NKAIN3: variants seen among roughly 807,000 people sequenced by gnomAD.
The protein encoded by NKAIN3 is sodium/potassium-transporting ATPase subunit beta-1-interacting protein 3.
A neutral mutation model predicts 30.2 loss-of-function variants in NKAIN3; 25 were observed. That is an observed-to-expected ratio of 0.83 (90% CI 0.60 to 1.16). The LOEUF (loss-of-function observed/expected upper bound fraction) is 1.16. Among genes scored for constraint, NKAIN3 ranks in the 50% most tolerant of loss-of-function variants. The probability of loss-of-function intolerance (pLI) is 0.00; values close to 1 mark genes in which losing one functional copy is unlikely to be tolerated. For missense variants in NKAIN3, 225 were observed against 254.1 expected (o/e 0.89, Z 0.78); for synonymous variants, 91 against 89.6 (o/e 1.02, Z -0.09).
At chr8:62,955,088 T>C (rs1823386976) in intron 6 of NKAIN3, among the ~76,000 whole-genome samples, 1 of 152,204 alleles carries the variant, frequency 6.6e-6, no homozygotes, top group African/African-American at 2.4e-5. Flanking sequence ...ACCCAGCATA[T>C]GTGAGGATTG....
At chr8:62,924,553 C>T (rs7828305) in intron 5 of NKAIN3, among the ~76,000 whole-genome samples, 18,482 of 152,102 alleles carry the variant, frequency 0.12, 1,299 homozygotes, top group African/African-American at 0.17. Flanking sequence ...TCCTTTTCTC[C>T]TCTCTATCTC....
intron 4 of NKAIN3, among the ~76,000 whole-genome samples, chr8:62,809,235 C>T (rs998488721): frequency 6.6e-6 from 1 of 152,068 alleles, no homozygotes; most frequent in Non-Finnish European, 1.5e-5. Flanking sequence ...GCTTTACAAA[C>T]AATTTGTGCA....
intron 1 of NKAIN3, among the ~76,000 whole-genome samples, chr8:62,560,854 C>T (rs958585409): frequency 4.6e-5 from 7 of 151,986 alleles, no homozygotes; most frequent in Non-Finnish European, 1.0e-4. Context: ...TCTCTCCTCT[C>T]CTTTCTGTTG....
intron 1 of NKAIN3, among the ~76,000 whole-genome samples, chr8:62,310,769 G>T (rs1448180415): frequency 6.7e-6 from 1 of 150,308 alleles, no homozygotes; most frequent in Non-Finnish European, 1.5e-5. Context: ...CTGAAATGGA[G>T]CTAGCTGGTT....
intron 1 of NKAIN3, among the ~76,000 whole-genome samples, chr8:62,468,615 C>T (rs1806231829): frequency 6.6e-6 from 1 of 152,202 alleles, no homozygotes. Context: ...CAATTTCTCA[C>T]TGTTCAGTGA....
At chr8:62,318,914 G>A (rs866204210) in intron 1 of NKAIN3, among the ~76,000 whole-genome samples, 2 of 152,066 alleles carry the variant, frequency 1.3e-5, no homozygotes, top group Non-Finnish European at 2.9e-5. Context: ...AATGGTACCA[G>A]CTCCTCCTTG....
chr8:62,343,995 T>C (rs1174562730), intron 1 of NKAIN3, among the ~76,000 whole-genome samples: 1 of 152,040 alleles, frequency 6.6e-6, no homozygotes, highest in East Asian at 1.9e-4. Flanking sequence ...TTATTAACAT[T>C]AGAGAATTAT....
chr8:62,325,688 G>A (rs1815094048), intron 1 of NKAIN3, among the ~76,000 whole-genome samples: 1 of 152,034 alleles, frequency 6.6e-6, no homozygotes, highest in Admixed American at 6.6e-5. Flanking sequence ...ACAGGAATAA[G>A]GTGGTATCTT....
intron 1 of NKAIN3, among the ~76,000 whole-genome samples, chr8:62,390,219 C>G (rs964968929): frequency 9.9e-5 from 15 of 152,016 alleles, no homozygotes; most frequent in African/African-American, 3.6e-4. Context: ...CCAATAGGCC[C>G]CAGTGTGTGT....
chr8:62,845,285 T>TTTTATATATATA (rs1554583723), intron 4 of NKAIN3, among the ~76,000 whole-genome samples: 14 of 68,928 alleles, frequency 2.0e-4, no homozygotes, highest in Admixed American at 1.8e-3. Context: ...GGATAGTAGA[T>TTTTATATATATA]TATATATATA....
At chr8:62,581,019 C>T (rs993597849) in intron 2 of NKAIN3, among the ~76,000 whole-genome samples, 2 of 150,010 alleles carry the variant, frequency 1.3e-5, no homozygotes, top group African/African-American at 4.9e-5. Flanking sequence ...AGGAGGATCG[C>T]TTGAACCCAG....
intron 3 of NKAIN3, among the ~76,000 whole-genome samples, chr8:62,594,058 G>C (rs1459411383): frequency 6.6e-6 from 1 of 151,954 alleles, no homozygotes; most frequent in African/African-American, 2.4e-5. Context: ...TCTGGGGCTA[G>C]CCAGATGCCT....
At chr8:62,680,439 T>C (rs1245109277) in intron 3 of NKAIN3, among the ~76,000 whole-genome samples, 1 of 152,172 alleles carries the variant, frequency 6.6e-6, no homozygotes, top group African/African-American at 2.4e-5. Context: ...AAAACTAATA[T>C]AGATAGTAAA....
At chr8:62,552,397 C>A (rs1585937375) in intron 1 of NKAIN3, among the ~76,000 whole-genome samples, 1 of 152,288 alleles carries the variant, frequency 6.6e-6, no homozygotes, top group East Asian at 1.9e-4. Flanking sequence ...TAATGCAAAA[C>A]TTCCAAATTC....
chr8:62,447,615 C>T (rs1001906750), intron 1 of NKAIN3, among the ~76,000 whole-genome samples: 6 of 151,886 alleles, frequency 4.0e-5, no homozygotes, highest in Non-Finnish European at 7.4e-5. Flanking sequence ...TGACATAGGT[C>T]CAACCAACCA....
At chr8:62,959,167 C>A (rs1157190311) in intron 6 of NKAIN3, among the ~76,000 whole-genome samples, 2 of 152,162 alleles carry the variant, frequency 1.3e-5, no homozygotes, top group African/African-American at 2.4e-5. Flanking sequence ...TACTAGAAGA[C>A]AGCCAAGGCC....
intron 4 of NKAIN3, among the ~76,000 whole-genome samples, chr8:62,806,181 T>C (rs963596492): frequency 6.6e-6 from 1 of 152,102 alleles, no homozygotes. Flanking sequence ...TGTGGAGAAA[T>C]AGGAACACTT....
At chr8:62,852,845 A>G (rs1279897423) in intron 4 of NKAIN3, among the ~76,000 whole-genome samples, 2 of 152,036 alleles carry the variant, frequency 1.3e-5, no homozygotes, top group African/African-American at 2.4e-5. Context: ...CTGTTCTTTT[A>G]CATTTGCTGA....
At chr8:62,732,283 C>A (rs1377362306) in intron 3 of NKAIN3, among the ~76,000 whole-genome samples, 2 of 151,890 alleles carry the variant, frequency 1.3e-5, no homozygotes, top group Non-Finnish European at 2.9e-5. Context: ...TCGTATTAAA[C>A]TTTATTGATA....
Sources: allele counts gnomAD v4.1 joint callset (sites outside exome capture counted in the v4.1 genomes callset), GRCh38; gene constraint gnomAD v4.1.1; transcripts MANE v1.5; gene names NCBI Gene and HGNC (gene_info 2026-07-23, HGNC 2026-07-21).